Variants in GDA observed in about 807,000 individuals in gnomAD.
The protein encoded by GDA is guanine deaminase.
A neutral mutation model predicts 59.6 loss-of-function variants in GDA; 18 were observed. The ratio of observed to expected loss-of-function variants is 0.30; its 90% CI spans 0.21 to 0.45. GDA has a LOEUF of 0.45. Among genes scored for constraint, GDA ranks in the 20% least tolerant of loss-of-function variants. GDA has a pLI of 1.00. For synonymous variants in GDA, 201 were observed against 201.1 expected (o/e 1.00, Z 0.00); for missense variants, 427 against 552.3 (o/e 0.77, Z 2.27).
At chr9:72,203,424 G>A (rs2131357407) in intron 3 of GDA, among the ~76,000 whole-genome samples, 1 of 152,316 alleles carries the variant, frequency 6.6e-6, no homozygotes, top group South Asian at 2.1e-4. Flanking sequence ...TCTGGGGCTA[G>A]TACAGTCATT....
chr9:72,258,716 C>T (rs752592848), downstream of GDA, among the ~76,000 whole-genome samples: 1 of 152,210 alleles, frequency 6.6e-6, no homozygotes. Context: ...GGTGGAGGAC[C>T]TTTCAGTGGA....
chr9:72,170,878 C>T (rs948881248), intron 1 of GDA, among the ~76,000 whole-genome samples: 7 of 152,096 alleles, frequency 4.6e-5, no homozygotes, highest in South Asian at 2.1e-4. Context: ...TGCAGTGGCG[C>T]GATCATAGTT....
chr9:72,182,575 A>T (rs948620096), intron 1 of GDA, among the ~76,000 whole-genome samples: 7 of 152,148 alleles, frequency 4.6e-5, no homozygotes, highest in African/African-American at 1.7e-4. Context: ...CACTCGGCTG[A>T]GGTGGTGTGG....
chr9:72,248,522 C>T lies in GDA; in HGVS notation c.*180C>T. On this transcript the variant is annotated 3_prime_UTR_variant, in exon 14 of 14. Transcript: ENST00000358399. The stretch of plus-strand genomic sequence containing the variant: ...CGAAGGAAGTTGCACTAATTCTCAA[C>T]TCTGGTTGAGAGGGTTCATAAATTT... 1 of 1,402,514 alleles carries T rather than the reference C, an allele frequency of 7.1e-7. No homozygotes were observed. Among genetic ancestry groups the T allele is most frequent in the Non-Finnish European group, 9.3e-7 (1 of 1,079,892 alleles). The allele number at this position is 1,402,514 out of a possible 1,614,324, so 86.9% of individuals were successfully genotyped here. A position where few individuals can be genotyped will look rare whatever the true frequency, so the allele number is the denominator to read the frequency against.
intron 1 of GDA, among the ~76,000 whole-genome samples, chr9:72,115,829 G>A (rs1825417800): frequency 1.3e-5 from 2 of 152,274 alleles, no homozygotes; most frequent in South Asian, 4.1e-4. Flanking sequence ...ACTCAACAAG[G>A]TTGAGCTGCT....
rs1460208962 is a variant in GDA, at chr9:72,249,555, A to G, written c.*1213A>G. 3 of 597,694 alleles carry G rather than the reference A, an allele frequency of 5.0e-6. No homozygotes were observed. The highest frequency in any genetic ancestry group is 6.3e-6 in the Non-Finnish European group (3 of 476,486). The allele number at this position is 597,694 out of a possible 1,614,324, so 37.0% of individuals were successfully genotyped here. ...ATGTTAATAGGACTTAATTCTTACTAGACATCTAGGAACATTACAAAGCAA... is the reference window on the plus strand; with the variant it reads ...ATGTTAATAGGACTTAATTCTTACTGGACATCTAGGAACATTACAAAGCAA... On this transcript the variant is annotated 3_prime_UTR_variant, in exon 14 of 14. Coordinates refer to ENST00000358399, the MANE Select transcript of GDA (RefSeq NM_004293.5).
rs913020176 is a variant in GDA at position 72,252,091 on chromosome 9, C to T, written c.*3749C>T. On this transcript the variant is annotated 3_prime_UTR_variant, in exon 14 of 14. Transcript: ENST00000358399. ...TTTGTTGTTAAACTCCTGATCGCTA[C>T]TCTTAAGAATATACATGTATGTATT... is the stretch of plus-strand genomic sequence containing the variant. The T allele has an allele frequency of 6.6e-6, 1 of 152,570 alleles. No individual in the cohort carries two copies. Among genetic ancestry groups the T allele is most frequent in the Non-Finnish European group, 1.5e-5 (1 of 68,024 alleles). 9.5% of individuals were successfully genotyped at this position (152,570 alleles called of 1,614,324 possible). A position where few individuals can be genotyped will look rare whatever the true frequency, so the allele number is the denominator to read the frequency against.
In GDA at chr9:72,250,581, A is replaced by G; in HGVS notation, c.*2239A>G. ...AGTGCGGTGTTCCTGAATGTTATGT[A>G]TGCTTTTTTTTCTGTACCACAGGCA... On this transcript the variant is annotated 3_prime_UTR_variant, in exon 14 of 14. Coordinates refer to ENST00000358399, the MANE Select transcript of GDA (RefSeq NM_004293.5). 6.7e-7 allele frequency: 1 copy of G among 1,490,428 alleles called. No individual in the cohort carries two copies. The highest frequency in any genetic ancestry group is 1.3e-5 in the South Asian group (1 of 76,278). The allele number at this position is 1,490,428 out of a possible 1,614,324, so 92.3% of individuals were successfully genotyped here.
At chr9:72,258,519 T>C (rs1840909870), downstream of GDA, among the ~76,000 whole-genome samples, 5 of 152,272 alleles carry the variant, frequency 3.3e-5, no homozygotes, top group South Asian at 1.0e-3. Flanking sequence ...AAGTTACCAC[T>C]GGGGGAGAGT....
At chr9:72,142,446 A>G (rs1826472808) in intron 1 of GDA, among the ~76,000 whole-genome samples, 1 of 151,732 alleles carries the variant, frequency 6.6e-6, no homozygotes, top group South Asian at 2.1e-4. Context: ...GGTGGTGGGA[A>G]CCTGTAGTCC....
intron 1 of GDA, among the ~76,000 whole-genome samples, chr9:72,136,891 C>T (rs368380976): frequency 6.6e-6 from 1 of 152,086 alleles, no homozygotes; most frequent in Admixed American, 6.6e-5. Context: ...AGGAGAATGG[C>T]GTGAACCCAG....
intron 1 of GDA, among the ~76,000 whole-genome samples, chr9:72,193,154 G>A (rs1317946581): frequency 6.9e-6 from 1 of 145,118 alleles, no homozygotes; most frequent in Middle Eastern, 3.3e-3. Flanking sequence ...CATTTGGTTA[G>A]GTCATTTTTT....
chr9:72,229,176 A>AT (rs1838005773), intron 9 of GDA: 2 of 159,810 alleles, frequency 1.3e-5, no homozygotes, highest in African/African-American at 2.5e-5. Context: ...TCTACTAAAA[A>AT]AAAAAAAAAA....
At chr9:72,195,205 G>A (rs567090650) in intron 1 of GDA, among the ~76,000 whole-genome samples, 4 of 152,176 alleles carry the variant, frequency 2.6e-5, no homozygotes, top group South Asian at 2.1e-4. Context: ...ATCTTGCTCC[G>A]CCTCTCCAAT....
At chr9:72,244,036 G>A (rs563703793) in intron 11 of GDA, among the ~76,000 whole-genome samples, 1 of 152,014 alleles carries the variant, frequency 6.6e-6, no homozygotes, top group African/African-American at 2.4e-5. Context: ...AATTAGCCGG[G>A]CGTGGTGGTG....
upstream of GDA, among the ~76,000 whole-genome samples, chr9:72,148,119 T>C (rs1826753408): frequency 6.6e-6 from 1 of 152,184 alleles, no homozygotes; most frequent in Non-Finnish European, 1.5e-5. Flanking sequence ...AGAGAAAAAC[T>C]GCTCACACAC....
intron 2 of GDA, among the ~76,000 whole-genome samples, chr9:72,197,260 G>A (rs1188629818): frequency 6.6e-6 from 1 of 152,170 alleles, no homozygotes; most frequent in Non-Finnish European, 1.5e-5. Flanking sequence ...TCCACCTGCA[G>A]TTTTACTCAC....
At chr9:72,116,164 G>C (rs1342686361) in intron 1 of GDA, among the ~76,000 whole-genome samples, 1 of 151,962 alleles carries the variant, frequency 6.6e-6, no homozygotes, top group African/African-American at 2.4e-5. Flanking sequence ...AACCTGGGAG[G>C]GGGAGGTTGC....
intron 1 of GDA, among the ~76,000 whole-genome samples, chr9:72,186,659 T>G (rs890469790): frequency 2.0e-5 from 3 of 152,222 alleles, no homozygotes; most frequent in Admixed American, 6.5e-5. Flanking sequence ...ATCTATTAAA[T>G]ACTTGATTTG....
Sources: allele counts gnomAD v4.1 joint callset (sites outside exome capture counted in the v4.1 genomes callset), GRCh38; gene constraint gnomAD v4.1.1; transcripts MANE v1.5; gene names NCBI Gene and HGNC (gene_info 2026-07-23, HGNC 2026-07-21).